PRKCA: variants seen among roughly 807,000 people sequenced by gnomAD.
The protein encoded by PRKCA is protein kinase C alpha.
Under a neutral mutation model 87.0 loss-of-function variants are expected in PRKCA, and 27 were observed. The observed-to-expected ratio is 0.31, with a 90% CI of 0.23 to 0.43. The LOEUF is 0.43. Among genes scored for constraint, PRKCA ranks in the 20% least tolerant of loss-of-function variants. The pLI is 1.00. For synonymous variants in PRKCA, 329 were observed against 311.1 expected (o/e 1.06, Z -0.61); for missense variants, 518 against 852.3 (o/e 0.61, Z 4.88).
At chr17:66,361,804 G>T (rs1908407366) in intron 2 of PRKCA, among the ~76,000 whole-genome samples, 1 of 152,180 alleles carries the variant, frequency 6.6e-6, no homozygotes, top group Admixed American at 6.5e-5. Flanking sequence ...TAATAAAATT[G>T]TTAGTGGTTA....
chr17:66,494,840 C>T (rs1278946886), intron 2 of PRKCA, among the ~76,000 whole-genome samples: 2 of 152,228 alleles, frequency 1.3e-5, no homozygotes, highest in Non-Finnish European at 1.5e-5. Flanking sequence ...AGTAGCTCAA[C>T]GCCTACAATC....
At chr17:66,559,506 A>AC (rs1567897894) in intron 3 of PRKCA, among the ~76,000 whole-genome samples, 1 of 146,398 alleles carries the variant, frequency 6.8e-6, no homozygotes, top group East Asian at 2.0e-4. Flanking sequence ...AAAAAAAAAA[A>AC]GCTCTCCAGT....
chr17:66,425,549 GA>G (rs1214902310), intron 2 of PRKCA, among the ~76,000 whole-genome samples: 1 of 152,078 alleles, frequency 6.6e-6, no homozygotes, highest in South Asian at 2.1e-4. Context: ...GCAGTCTCAT[GA>G]AAAAAATCAC....
chr17:66,698,819 C>CA (rs59309576), intron 8 of PRKCA, among the ~76,000 whole-genome samples: 10,225 of 102,702 alleles, frequency 0.1, 1,095 homozygotes, highest in African/African-American at 0.3. Context: ...ACTAAAAATA[C>CA]AAAAAAAAAA....
chr17:66,790,314 G>T (rs1465944834), intron 16 of PRKCA, among the ~76,000 whole-genome samples: 1 of 152,194 alleles, frequency 6.6e-6, no homozygotes, highest in Non-Finnish European at 1.5e-5. Context: ...AAATTAATCA[G>T]GTCAGTTGAC....
chr17:66,661,593 T>C (rs1427896863), intron 5 of PRKCA, among the ~76,000 whole-genome samples: 1 of 152,220 alleles, frequency 6.6e-6, no homozygotes, highest in Admixed American at 6.5e-5. Flanking sequence ...CTGGCTGGTC[T>C]CCAAAAACAG....
intron 3 of PRKCA, among the ~76,000 whole-genome samples, chr17:66,522,893 T>C (rs1373665932): frequency 6.6e-6 from 1 of 152,066 alleles, no homozygotes; most frequent in African/African-American, 2.4e-5. Context: ...AGTGGGGTCT[T>C]GATTTCTGCT....
At chr17:66,548,601 A>G (rs891777608) in intron 3 of PRKCA, among the ~76,000 whole-genome samples, 3 of 151,972 alleles carry the variant, frequency 2.0e-5, no homozygotes, top group East Asian at 1.9e-4. Context: ...CTGTATCCCA[A>G]TCCCTGGAAC....
chr17:66,327,298 C>T (rs971783108), intron 2 of PRKCA, among the ~76,000 whole-genome samples: 7 of 140,502 alleles, frequency 5.0e-5, no homozygotes, highest in Admixed American at 2.3e-4. Flanking sequence ...ACCCAGGAGG[C>T]GGAGCTTGCA....
intron 3 of PRKCA, among the ~76,000 whole-genome samples, chr17:66,587,361 G>A (rs1212753150): frequency 3.9e-5 from 6 of 152,020 alleles, no homozygotes; most frequent in African/African-American, 1.4e-4. Context: ...ATTTTGTGTT[G>A]TTTTACATTT....
chr17:66,360,625 G>A (rs561155476), intron 2 of PRKCA, among the ~76,000 whole-genome samples: 1 of 152,266 alleles, frequency 6.6e-6, no homozygotes, highest in Non-Finnish European at 1.5e-5. Flanking sequence ...CAAGCTCTTC[G>A]ATTTCAGGTG....
In PRKCA at chr17:66,798,537, TGAC is replaced by T. The variant is rs1413140185; in HGVS notation, c.1855-5334_1855-5332del. Among the ~76,000 whole-genome samples, 117 of 21,408 alleles carry T rather than the reference TGAC, an allele frequency of 5.5e-3. 33 individuals are homozygous for T. The highest frequency in any genetic ancestry group is 0.011 in the Admixed American group (21 of 1,888). 14.0% of individuals were successfully genotyped at this position (21,408 alleles called of 152,430 possible). A position where few individuals can be genotyped will look rare whatever the true frequency, so the allele number is the denominator to read the frequency against. Reference sequence around the variant, plus strand: ...GTGGTGACGGTGGTGGTGATGGTGGTGACGGTGGTGGTGGTGATGGTGGTGGTG... The same window carrying T: ...GTGGTGACGGTGGTGGTGATGGTGGTGGTGGTGGTGGTGATGGTGGTGGTG... On this transcript the variant is annotated intron_variant, in intron 16 of 16. Transcript: ENST00000413366.
chr17:66,642,692 A>G (rs935048444), intron 4 of PRKCA, among the ~76,000 whole-genome samples: 5 of 152,332 alleles, frequency 3.3e-5, no homozygotes, highest in Admixed American at 2.0e-4. Context: ...GGAGTTTCTC[A>G]GGACACAGGG....
intron 3 of PRKCA, among the ~76,000 whole-genome samples, chr17:66,524,099 G>A (rs1967262174): frequency 6.6e-6 from 1 of 152,140 alleles, no homozygotes; most frequent in Admixed American, 6.5e-5. Context: ...AACATATACA[G>A]GGTGTGTGTG....
chr17:66,785,651 A>G (rs4144639), intron 14 of PRKCA, among the ~76,000 whole-genome samples: 54,862 of 152,092 alleles, frequency 0.36, 10,968 homozygotes, highest in African/African-American at 0.55. Flanking sequence ...AAAAAGTTCA[A>G]AGGGCATTGT....
intron 14 of PRKCA, 45 bp downstream of exon 14, chr17:66,774,112 G>C: frequency 6.2e-7 from 1 of 1,613,734 alleles, no homozygotes; most frequent in Non-Finnish European, 8.5e-7. Flanking sequence ...GCTGTGTTAT[G>C]TGAATACTTC....
intron 8 of PRKCA, among the ~76,000 whole-genome samples, chr17:66,694,767 TAAAAAAAAAAAAA>T (rs746908582): frequency 1.7e-5 from 2 of 117,520 alleles, no homozygotes; most frequent in Admixed American, 1.8e-4. Context: ...TTCCAATGGT[TAAAAAAAAAAAAA>T]AAAAAAAAAA....
chr17:66,335,990 A>G (rs557495887), intron 2 of PRKCA, among the ~76,000 whole-genome samples: 2 of 152,278 alleles, frequency 1.3e-5, no homozygotes, highest in African/African-American at 4.8e-5. Context: ...GTCAGCTTTC[A>G]TTTTATCTTC....
At chr17:66,688,027 A>G (rs561196608) in intron 6 of PRKCA, among the ~76,000 whole-genome samples, 13 of 152,302 alleles carry the variant, frequency 8.5e-5, no homozygotes, top group African/African-American at 3.1e-4. Flanking sequence ...TCTAGTGCCA[A>G]AGGAGCCATA....
Sources: gnomAD v4.1 joint callset for allele counts (sites outside exome capture counted in the v4.1 genomes callset) on GRCh38, gnomAD v4.1.1 for gene constraint, MANE v1.5 for transcripts, NCBI Gene and HGNC (gene_info 2026-07-23, HGNC 2026-07-21) for gene names.